Variants in TOGARAM2 observed in about 807,000 individuals in gnomAD.
TOGARAM2 encodes the protein TOG array regulator of axonemal microtubules 2.
In TOGARAM2, 85 loss-of-function variants were observed where a neutral mutation model predicts 93.3. The observed-to-expected ratio is 0.91, with a 90% CI of 0.76 to 1.09. TOGARAM2 has a LOEUF of 1.09. TOGARAM2 is among the 50% of genes least tolerant of loss of function. The pLI is 0.00. For missense variants in TOGARAM2, 1,277 were observed against 1,334.5 expected (o/e 0.96, Z 0.67); for synonymous variants, 593 against 552.8 (o/e 1.07, Z -1.02).
rs11127202 is a variant in TOGARAM2 at position 29,017,194 on chromosome 2, A to G, written c.1085A>G (p.Gln362Arg). The G allele has an allele frequency of 0.24, 380,461 of 1,613,486 alleles. 46,130 individuals carry two copies. Among genetic ancestry groups the G allele is most frequent in the African/African-American group, 0.25 (19,102 of 74,932 alleles). The change falls in exon 9 of 20, where the codon CAG becomes CGG. Residue 362 changes from glutamine (Q) to arginine (R), a missense_variant. Physicochemically the swap from Gln to Arg is conservative, Grantham distance 43. Transcript: ENST00000379558. ...TCCAAGTCTGCCCGGGAGAAGATGC[A>G]GCTGAAGCAGATGAAGGAGATGGAG... ...TISKSAREKM[Q>R]LKQMKEMELL...
intron 18 of TOGARAM2, among the ~76,000 whole-genome samples, chr2:29,037,986 T>G (rs74902692): frequency 6.6e-6 from 1 of 152,200 alleles, no homozygotes; most frequent in Non-Finnish European, 1.5e-5. Flanking sequence ...AGAGGAATTT[T>G]TAACTCTTCC....
chr2:29,048,681 T>TA (rs1276792412), intron 19 of TOGARAM2: 4 of 59,268 alleles, frequency 6.7e-5, no homozygotes. Flanking sequence ...TTCCTTCCTT[T>TA]TTTTTTTTTT....
intron 1 of TOGARAM2, among the ~76,000 whole-genome samples, chr2:28,971,724 T>C (rs1393959353): frequency 4.3e-5 from 3 of 69,422 alleles, no homozygotes; most frequent in East Asian, 7.1e-4. Context: ...CTGTACCAGC[T>C]GGGGAGAGAG....
chr2:28,983,187 T>A (rs867322851), intron 1 of TOGARAM2, among the ~76,000 whole-genome samples: 30 of 48,110 alleles, frequency 6.2e-4, no homozygotes, highest in African/African-American at 1.8e-3. Flanking sequence ...AATATATATA[T>A]ATATATATAT....
Position 29,017,849 on chromosome 2 carries a change from C to T in TOGARAM2, c.1253C>T (p.Pro418Leu). The T allele has an allele frequency of 6.2e-7, 1 of 1,613,538 alleles. No homozygotes were observed. The highest frequency in any genetic ancestry group is 8.5e-7 in the Non-Finnish European group (1 of 1,179,742). Residue 418 changes from proline to leucine, a missense_variant, in exon 10 of 20, where the codon CCA (proline) becomes CTA (leucine). Coordinates refer to ENST00000379558, the MANE Select transcript of TOGARAM2 (RefSeq NM_199280.4). ...TCTGTGCCCACTAGGCTGAGCGGCC[C>T]ATGCAGAAACGACGTCAGCATCATC... is the stretch of plus-strand genomic sequence containing the variant. ...TLSVPTRLSG[P>L]CRNDVSIILR... is the part of the protein sequence containing the mutation.
intron 6 of TOGARAM2, among the ~76,000 whole-genome samples, 191 bp downstream of exon 6, chr2:29,003,873 C>G (rs1673464788): frequency 6.6e-6 from 1 of 152,276 alleles, no homozygotes; most frequent in Non-Finnish European, 1.5e-5. Context: ...CGGGGCTTCT[C>G]TGCCTCTTGG....
chr2:29,044,737 T>A (rs1223752665), intron 18 of TOGARAM2, among the ~76,000 whole-genome samples: 1 of 152,048 alleles, frequency 6.6e-6, no homozygotes, highest in East Asian at 1.9e-4. Flanking sequence ...TATCAGTATG[T>A]GTTCAGTGTA....
Position 29,004,752 on chromosome 2 carries a change from GTC to G in TOGARAM2, c.830+1072_830+1073del, listed in dbSNP as rs1280311861. ...TGTGAGTGCATGCATGTGTGTGTGT[GTC>G]TGAGTGTGTGTGTGCATGAGTGCAA... On this transcript the variant is annotated intron_variant, in intron 6 of 19. Transcript: ENST00000379558. Among the ~76,000 whole-genome samples the G allele has an allele frequency of 4.8e-5, 7 of 145,956 alleles. No individual in the cohort carries two copies. In the East Asian group the frequency reaches 1.2e-3, roughly 25 times the overall value.
At chr2:29,029,754 TAA>T (rs764355917) in intron 14 of TOGARAM2, among the ~76,000 whole-genome samples, 3 of 127,084 alleles carry the variant, frequency 2.4e-5, no homozygotes, top group Non-Finnish European at 1.7e-5. Context: ...AGGCTCTGTC[TAA>T]AAAAAAAAAA....
upstream of TOGARAM2, among the ~76,000 whole-genome samples, chr2:28,978,021 C>T (rs947174216): frequency 6.6e-6 from 1 of 152,156 alleles, no homozygotes; most frequent in Non-Finnish European, 1.5e-5. Flanking sequence ...ATTCTCCTGT[C>T]TCAGCCTCCT....
chr2:29,039,160 G>A (rs1260032551), intron 18 of TOGARAM2, among the ~76,000 whole-genome samples: 1 of 152,172 alleles, frequency 6.6e-6, no homozygotes, highest in South Asian at 2.1e-4. Context: ...TGGTTCTAGT[G>A]GTTTCTTGGG....
intron 10 of TOGARAM2, among the ~76,000 whole-genome samples, chr2:29,019,177 CTTTTTTT>C (rs61378143): frequency 8.2e-6 from 1 of 121,702 alleles, no homozygotes. Context: ...CCAACTGACT[CTTTTTTT>C]TTTTTTTTTT....
At chr2:28,964,724 G>A (rs1558392257) in intron 1 of TOGARAM2, among the ~76,000 whole-genome samples, 2 of 148,164 alleles carry the variant, frequency 1.3e-5, no homozygotes, top group South Asian at 2.1e-4. Flanking sequence ...CCACTTATAA[G>A]TGAGAACATG....
chr2:29,021,548 A>G (rs904320494), intron 10 of TOGARAM2, among the ~76,000 whole-genome samples: 3 of 152,052 alleles, frequency 2.0e-5, no homozygotes, highest in African/African-American at 7.2e-5. Flanking sequence ...TGGGAAGGAG[A>G]GCCTAGAAAA....
At position 28,967,798 on chromosome 2, in the gene TOGARAM2, C is replaced by CTTTTTT. The variant is rs11417570; in HGVS notation, c.-147+11121_-147+11126dup. Among the ~76,000 whole-genome samples, 85 of 78,566 alleles carry CTTTTTT rather than the reference C, an allele frequency of 1.1e-3. 8 individuals are homozygous for CTTTTTT. Among genetic ancestry groups the CTTTTTT allele is most frequent in the Middle Eastern group, 9.3e-3 (1 of 108 alleles). 51.5% of individuals were successfully genotyped at this position (78,566 alleles called of 152,430 possible). On this transcript the variant is annotated intron_variant, in intron 1 of 6. Coordinates refer to the TOGARAM2 transcript ENST00000401723. ...GAGCATGAAGATGAAATAAGATGGTCTTTTTTTTTTTTTTTTTTTTTTTTT... is the reference window on the plus strand; with the variant it reads ...GAGCATGAAGATGAAATAAGATGGTCTTTTTTTTTTTTTTTTTTTTTTTTTTTTTTT...
At chr2:29,018,040 G>C (rs77325856) in intron 10 of TOGARAM2, 84 bp downstream of exon 10, 11 of 1,437,706 alleles carry the variant, frequency 7.7e-6, no homozygotes, top group Middle Eastern at 2.5e-4. Flanking sequence ...AGGTGACCTC[G>C]GTGGCTTTGC....
chr2:28,979,964 T>C (rs1558397246), upstream of TOGARAM2, among the ~76,000 whole-genome samples: 1 of 152,174 alleles, frequency 6.6e-6, no homozygotes, highest in East Asian at 1.9e-4. Context: ...GTTCCCATGG[T>C]TGAGTCGCTC....
At chr2:29,008,807 G>C (rs1214023231) in intron 6 of TOGARAM2, among the ~76,000 whole-genome samples, 1 of 152,222 alleles carries the variant, frequency 6.6e-6, no homozygotes, top group Non-Finnish European at 1.5e-5. Context: ...AGCACCACAG[G>C]GCAGGGGCCA....
At chr2:29,014,606 C>G in intron 8 of TOGARAM2, 45 bp downstream of exon 8, 1 of 1,543,290 alleles carries the variant, frequency 6.5e-7, no homozygotes, top group East Asian at 2.4e-5. Flanking sequence ...TGGAGTGGAC[C>G]GCAGGCTGCA....
Sources: allele counts gnomAD v4.1 joint callset (sites outside exome capture counted in the v4.1 genomes callset), GRCh38; gene constraint gnomAD v4.1.1; transcripts MANE v1.5; gene names NCBI Gene and HGNC (gene_info 2026-07-23, HGNC 2026-07-21).